KIAA1328: variants seen among roughly 807,000 people sequenced by gnomAD.
KIAA1328 encodes KIAA1328.
In KIAA1328, 52 loss-of-function variants were observed where a neutral mutation model predicts 68.1. The ratio of observed to expected loss-of-function variants is 0.76; its 90% CI spans 0.61 to 0.96. The LOEUF (loss-of-function observed/expected upper bound fraction) is 0.96. Among genes scored for constraint, KIAA1328 ranks in the 40% least tolerant of loss-of-function variants. The pLI is 0.00. For missense variants in KIAA1328, 641 were observed against 677.6 expected, an observed-to-expected ratio of 0.95 and a Z score of 0.60; for synonymous variants, 232 against 239.4, an observed-to-expected ratio of 0.97 and a Z score of 0.28.
At chr18:36,929,993 G>A (rs1186889532) in intron 5 of KIAA1328, among the ~76,000 whole-genome samples, 1 of 152,076 alleles carries the variant, frequency 6.6e-6, no homozygotes, top group Admixed American at 6.5e-5. Flanking sequence ...TAAGATGTGG[G>A]CAGAGTTTTG....
intron 4 of KIAA1328, among the ~76,000 whole-genome samples, chr18:36,853,878 G>T (rs990035411): frequency 1.3e-5 from 2 of 152,052 alleles, no homozygotes; most frequent in Admixed American, 6.6e-5. Flanking sequence ...GGCTGGTCTT[G>T]AACTCCTGAT....
chr18:37,126,854 G>C (rs1317431395), intron 7 of KIAA1328, among the ~76,000 whole-genome samples: 4 of 152,052 alleles, frequency 2.6e-5, no homozygotes, highest in East Asian at 3.9e-4. Context: ...CACCTGATTT[G>C]TTTCAACAAA....
chr18:37,024,557 G>C (rs1273151565), intron 6 of KIAA1328, among the ~76,000 whole-genome samples: 1 of 142,938 alleles, frequency 7.0e-6, no homozygotes, highest in African/African-American at 2.6e-5. Context: ...GCCCCGGTGT[G>C]TGATGTTCCC....
chr18:37,125,029 A>C (rs1157245739), intron 7 of KIAA1328, among the ~76,000 whole-genome samples: 1 of 152,240 alleles, frequency 6.6e-6, no homozygotes, highest in Non-Finnish European at 1.5e-5. Context: ...TGAAAACAGA[A>C]CATATAAAAA....
chr18:37,162,242 CT>C (rs965238896), intron 8 of KIAA1328, among the ~76,000 whole-genome samples: 2 of 150,066 alleles, frequency 1.3e-5, no homozygotes, highest in African/African-American at 4.9e-5. Flanking sequence ...TTTTTTTCCC[CT>C]TTTTTTGTGG....
At chr18:37,227,389 C>T (rs1354141243), downstream of KIAA1328, among the ~76,000 whole-genome samples, 1 of 152,224 alleles carries the variant, frequency 6.6e-6, no homozygotes, top group African/African-American at 2.4e-5. Context: ...TTGAGGACTT[C>T]CGTAACTAGA....
chr18:37,018,440 A>G (rs322646), intron 6 of KIAA1328, among the ~76,000 whole-genome samples: 111,317 of 151,888 alleles, frequency 0.73, 43,917 homozygotes, highest in South Asian at 0.89. Flanking sequence ...ACTATTATAT[A>G]CCTTGGTGAT....
Position 37,222,345 on chromosome 18 carries a change from G to A in KIAA1328, c.*118G>A. On this transcript the variant is annotated 3_prime_UTR_variant, in exon 10 of 10. Coordinates refer to ENST00000280020, the MANE Select transcript of KIAA1328 (RefSeq NM_020776.3). ...CCTTTCACGGGGACTTGTCTCACTA[G>A]CATCCTGTTACGTATTGAATATAGA... The A allele has an allele frequency of 6.7e-7, 1 of 1,484,822 alleles. No homozygotes were observed. Among genetic ancestry groups the A allele is most frequent in the South Asian group, 1.4e-5 (1 of 71,308 alleles). The allele number at this position is 1,484,822 out of a possible 1,614,324, so 92.0% of individuals were successfully genotyped here. A position where few individuals can be genotyped will look rare whatever the true frequency, so the allele number is the denominator to read the frequency against.
At chr18:37,146,089 T>C (rs2058891985) in intron 7 of KIAA1328, among the ~76,000 whole-genome samples, 1 of 152,176 alleles carries the variant, frequency 6.6e-6, no homozygotes, top group African/African-American at 2.4e-5. Context: ...ATACTTTTTT[T>C]TTCGGTTTTT....
intron 9 of KIAA1328, among the ~76,000 whole-genome samples, chr18:37,215,928 A>G (rs969260243): frequency 6.6e-6 from 1 of 152,072 alleles, no homozygotes; most frequent in African/African-American, 2.4e-5. Context: ...TTTCTAGTGT[A>G]TTTGCTTAGA....
In KIAA1328 at chr18:37,067,805, G is replaced by A. The variant is rs547341109; in HGVS notation, c.1232+260G>A. ...GAACTCCTGATCTCATGATCCACCC[G>A]CCTTGACCTCCCAAAGTGTTGAGAT... On this transcript the variant is annotated intron_variant, in intron 7 of 9. Transcript: ENST00000280020. Among the ~76,000 whole-genome samples, 9 of 152,032 alleles carry A rather than the reference G, an allele frequency of 5.9e-5. No individual in the cohort carries two copies. The South Asian group carries it at 1.2e-3, about 21-fold the overall frequency.
At chr18:37,012,764 T>C (rs1192022508) in intron 6 of KIAA1328, among the ~76,000 whole-genome samples, 1 of 152,248 alleles carries the variant, frequency 6.6e-6, no homozygotes, top group African/African-American at 2.4e-5. Flanking sequence ...AACATTGGAC[T>C]CTTAAATGTA....
chr18:37,154,278 C>A (rs1215694666), intron 7 of KIAA1328, among the ~76,000 whole-genome samples: 1 of 152,112 alleles, frequency 6.6e-6, no homozygotes, highest in Non-Finnish European at 1.5e-5. Flanking sequence ...TAAAAATTCC[C>A]CAGATTATTT....
intron 7 of KIAA1328, among the ~76,000 whole-genome samples, chr18:37,143,219 T>G (rs941402424): frequency 2.0e-5 from 3 of 152,172 alleles, no homozygotes; most frequent in African/African-American, 7.2e-5. Context: ...CTTCCCAAAG[T>G]GCTGGGATTA....
intron 9 of KIAA1328, among the ~76,000 whole-genome samples, chr18:37,214,947 CTGTT>C (rs1302515634): frequency 2.2e-4 from 33 of 152,258 alleles, no homozygotes; most frequent in Admixed American, 9.2e-4. Context: ...ATTTGGCTCT[CTGTT>C]TGTCTGTTAT....
At chr18:36,927,226 C>A (rs1032752425) in intron 5 of KIAA1328, among the ~76,000 whole-genome samples, 2 of 152,050 alleles carry the variant, frequency 1.3e-5, no homozygotes, top group Non-Finnish European at 2.9e-5. Context: ...GACAAATATA[C>A]CATGGTAATG....
chr18:37,016,350 T>G (rs1473414879), intron 6 of KIAA1328, among the ~76,000 whole-genome samples: 1 of 152,216 alleles, frequency 6.6e-6, no homozygotes, highest in East Asian at 1.9e-4. Context: ...CAAAGCCTAC[T>G]TGATCATAGT....
rs554333897 is a variant in KIAA1328, at chr18:36,981,135, G to A, written c.576+21700G>A. 3.0e-4 allele frequency among the ~76,000 whole-genome samples: 46 copies of A among 152,266 alleles called. 1 individual carries two copies. The highest frequency in any genetic ancestry group is 1.3e-3 in the Admixed American group (20 of 15,294). On this transcript the variant is annotated intron_variant, in intron 6 of 9. Coordinates refer to ENST00000280020, the MANE Select transcript of KIAA1328 (RefSeq NM_020776.3). Reference sequence around the variant, plus strand: ...CTGGGAATAGTGCTTGTTCCCATCAGCAAGAGAAAAATTCATAATTTATAG... The same window carrying A: ...CTGGGAATAGTGCTTGTTCCCATCAACAAGAGAAAAATTCATAATTTATAG...
intron 6 of KIAA1328, among the ~76,000 whole-genome samples, chr18:37,028,674 T>C (rs914778434): frequency 6.6e-6 from 1 of 152,174 alleles, no homozygotes; most frequent in African/African-American, 2.4e-5. Flanking sequence ...CATAGATGGC[T>C]CTTTTTATTT....
Sources: gnomAD v4.1 joint callset for allele counts (sites outside exome capture counted in the v4.1 genomes callset) on GRCh38, gnomAD v4.1.1 for gene constraint, MANE v1.5 for transcripts, NCBI Gene and HGNC (gene_info 2026-07-23, HGNC 2026-07-21) for gene names.